CDS1: variants seen among roughly 807,000 people sequenced by gnomAD.
CDS1 encodes the protein phosphatidate cytidylyltransferase 1.
CDS1 carries 41 observed loss-of-function variants against 62.1 expected under a neutral mutation model. That is an observed-to-expected ratio of 0.66 (90% CI 0.51 to 0.86). The LOEUF (loss-of-function observed/expected upper bound fraction) is 0.86. Ranked by LOEUF, CDS1 falls within the 40% of genes least tolerant of loss-of-function variation. The pLI, the probability that CDS1 is intolerant of heterozygous loss-of-function variation, is 0.00. For synonymous variants in CDS1, 185 were observed against 192.6 expected, an observed-to-expected ratio of 0.96 and a Z score of 0.32; for missense variants, 470 against 550.1, an observed-to-expected ratio of 0.85 and a Z score of 1.46.
intron 1 of CDS1, among the ~76,000 whole-genome samples, chr4:84,594,730 A>G (rs769112979): frequency 1.3e-5 from 2 of 152,132 alleles, no homozygotes; most frequent in Non-Finnish European, 2.9e-5. Context: ...AGAGATTGCT[A>G]AATTTGCTTT....
Position 84,640,874 on chromosome 4 carries a change from T to C in CDS1, c.916T>C (p.Cys306Arg). ...GTTATCCAAATACCAGTACTTTGTCTGCCCAGTGGAATACCGAAGTGATGT... is the reference window on the plus strand; with the variant it reads ...GTTATCCAAATACCAGTACTTTGTCCGCCCAGTGGAATACCGAAGTGATGT... ...YVLSKYQYFV[C>R]PVEYRSDVNS... Residue 306 changes from cysteine to arginine, a missense_variant, in exon 10 of 13, where the codon TGC becomes CGC. This residue lies in a region of CDS1 where 214 missense variants were observed against 242.4 expected (regional missense o/e 0.88). Coordinates refer to ENST00000295887, the MANE Select transcript of CDS1 (RefSeq NM_001263.4). 1 of 1,605,452 alleles carries C rather than the reference T, an allele frequency of 6.2e-7. No individual in the cohort carries two copies. The highest frequency in any genetic ancestry group is 8.5e-7 in the Non-Finnish European group (1 of 1,176,556).
At chr4:84,610,433 G>T (rs935064781) in intron 3 of CDS1, among the ~76,000 whole-genome samples, 1 of 152,176 alleles carries the variant, frequency 6.6e-6, no homozygotes, top group Non-Finnish European at 1.5e-5. Context: ...TTGGATTTTG[G>T]TGTGTGTGGG....
intron 1 of CDS1, among the ~76,000 whole-genome samples, chr4:84,591,339 T>A (rs1389990261): frequency 6.6e-6 from 1 of 152,228 alleles, no homozygotes; most frequent in Non-Finnish European, 1.5e-5. Flanking sequence ...CATAGGTCAT[T>A]TAAGAAATTA....
chr4:84,629,271 C>G (rs1478385733), intron 5 of CDS1, among the ~76,000 whole-genome samples: 2 of 150,264 alleles, frequency 1.3e-5, no homozygotes, highest in Non-Finnish European at 3.0e-5. Flanking sequence ...CAATGTTTTT[C>G]TTTAAAAAAT....
chr4:84,584,587 T>C (rs1439149153), intron 1 of CDS1, among the ~76,000 whole-genome samples: 1 of 152,224 alleles, frequency 6.6e-6, no homozygotes, highest in East Asian at 1.9e-4. Context: ...CTGGCAGTTC[T>C]GATTTGGGGA....
chr4:84,622,570 G>T (rs1723722255), intron 5 of CDS1, among the ~76,000 whole-genome samples: 1 of 152,138 alleles, frequency 6.6e-6, no homozygotes, highest in East Asian at 1.9e-4. Flanking sequence ...TCCAGCCTGG[G>T]CGACAGAGCG....
intron 3 of CDS1, among the ~76,000 whole-genome samples, chr4:84,615,631 C>T (rs957459388): frequency 6.6e-6 from 1 of 152,142 alleles, no homozygotes. Context: ...GTCCATTTGC[C>T]TATTTCACAT....
At position 84,650,152 on chromosome 4, in the gene CDS1, C is replaced by G. The variant is rs996729262; in HGVS notation, c.*1466C>G. The G allele has an allele frequency of 2.6e-5, 4 of 152,048 alleles. No homozygotes were observed. Among genetic ancestry groups the G allele is most frequent in the Non-Finnish European group, 5.9e-5 (4 of 67,998 alleles). The allele number at this position is 152,048 out of a possible 1,614,324, so 9.4% of individuals were successfully genotyped here. ...TATTTTATATTTCCGTCTACTATAC[C>G]TAAAACAAAAGATTGCCGTTATACC... On this transcript the variant is annotated 3_prime_UTR_variant, in exon 13 of 13. Transcript: ENST00000295887.
intron 11 of CDS1, among the ~76,000 whole-genome samples, chr4:84,643,723 A>C (rs1461374597): frequency 6.6e-6 from 1 of 152,238 alleles, no homozygotes; most frequent in Non-Finnish European, 1.5e-5. Flanking sequence ...TTATAAAAAT[A>C]GGTTGTGGCC....
intron 8 of CDS1, among the ~76,000 whole-genome samples, chr4:84,638,179 C>T (rs1282959105): frequency 2.6e-5 from 4 of 152,196 alleles, no homozygotes; most frequent in Non-Finnish European, 5.9e-5. Context: ...ATCTTTTCCT[C>T]CTGCCCCAAC....
intron 1 of CDS1, among the ~76,000 whole-genome samples, chr4:84,595,088 T>C (rs1389728648): frequency 6.6e-6 from 1 of 152,112 alleles, no homozygotes; most frequent in Non-Finnish European, 1.5e-5. Flanking sequence ...AGGGGTGCAT[T>C]GTGAAACTGG....
chr4:84,640,812 T>G (rs1724356177), intron 9 of CDS1, 26 bp from the exon 10 acceptor site: 1 of 1,487,730 alleles, frequency 6.7e-7, no homozygotes, highest in African/African-American at 1.4e-5. Flanking sequence ...GTTTTTTGTT[T>G]TGTTTTGTTT....
In CDS1 at chr4:84,635,280, T is replaced by C; in HGVS notation, c.739T>C (p.Ser247Pro). 1.3e-6 allele frequency: 2 copies of C among 1,541,144 alleles called. No individual in the cohort carries two copies. The highest frequency in any genetic ancestry group is 1.8e-6 in the Non-Finnish European group (2 of 1,131,618). ...EGMIWFLVPI[S>P]SVICNDITAY... is the part of the protein sequence containing the mutation. Reference sequence around the variant, plus strand: ...TAAAAACAGGTTCCTTGTTCCAATATCAAGTGTTATCTGCAATGACATAAC... The same window carrying C: ...TAAAAACAGGTTCCTTGTTCCAATACCAAGTGTTATCTGCAATGACATAAC... Residue 247 changes from serine (S) to proline (P), a missense_variant, in exon 8 of 13, where the codon TCA becomes CCA. Physicochemically the swap from Ser to Pro is moderately conservative, Grantham distance 74 (BLOSUM62 -1). Coordinates refer to ENST00000295887, the MANE Select transcript of CDS1 (RefSeq NM_001263.4).
At chr4:84,622,949 CG>C (rs1283654497) in intron 5 of CDS1, among the ~76,000 whole-genome samples, 2 of 152,082 alleles carry the variant, frequency 1.3e-5, no homozygotes, top group Admixed American at 6.5e-5. Context: ...TTGTTTTTCC[CG>C]AACTTGAGGA....
chr4:84,621,487 T>C (rs971902833), intron 5 of CDS1, among the ~76,000 whole-genome samples: 2 of 152,218 alleles, frequency 1.3e-5, no homozygotes, highest in African/African-American at 4.8e-5. Context: ...GAAATGGTAA[T>C]GGGAATTTTC....
At chr4:84,620,413 G>A (rs1006560571) in intron 5 of CDS1, among the ~76,000 whole-genome samples, 9 of 151,492 alleles carry the variant, frequency 5.9e-5, no homozygotes, top group South Asian at 2.1e-4. Context: ...TAGTAGAGAC[G>A]GGGTTTCACC....
At chr4:84,640,700 C>T in intron 9 of CDS1, 138 bp from the exon 10 acceptor site, 2 of 670,822 alleles carry the variant, frequency 3.0e-6, no homozygotes, top group East Asian at 6.5e-5. Flanking sequence ...AAATACATAG[C>T]AAAATATTAA....
At chr4:84,619,229 T>C (rs182436456) in intron 4 of CDS1, among the ~76,000 whole-genome samples, 165 bp from the exon 5 acceptor site, 109 of 152,322 alleles carry the variant, frequency 7.2e-4, no homozygotes, top group African/African-American at 2.6e-3. Flanking sequence ...AAATTTGAAA[T>C]TAAGTTTAAA....
intron 5 of CDS1, among the ~76,000 whole-genome samples, chr4:84,627,293 T>C (rs1020231222): frequency 4.6e-5 from 7 of 152,214 alleles, no homozygotes; most frequent in African/African-American, 1.4e-4. Flanking sequence ...TTTAATATTA[T>C]ACAAAATGTC....
Sources: gnomAD v4.1 joint callset for allele counts (sites outside exome capture counted in the v4.1 genomes callset) on GRCh38, gnomAD v4.1.1 for gene constraint, gnomAD v4.1.1 regional missense constraint, MANE v1.5 for transcripts, NCBI Gene and HGNC (gene_info 2026-07-23, HGNC 2026-07-21) for gene names.